The following TMEM132D variants were observed in gnomAD, a reference collection of about 807,000 sequenced individuals.
The protein encoded by TMEM132D is mature OL transmembrane protein.
TMEM132D carries 21 observed loss-of-function variants against 62.3 expected under a neutral mutation model. The ratio of observed to expected loss-of-function variants is 0.34; its 90% CI spans 0.24 to 0.49. The LOEUF is 0.49. TMEM132D is among the 20% of genes least tolerant of loss of function. The pLI is 0.99. For synonymous variants in TMEM132D, 621 were observed against 575.6 expected, an observed-to-expected ratio of 1.08 and a Z score of -1.13; for missense variants, 1,346 against 1,402.8, an observed-to-expected ratio of 0.96 and a Z score of 0.65.
chr12:129,738,348 A>C lies in TMEM132D; in HGVS notation c.80-37650T>G, dbSNP rs368049389. Among the ~76,000 whole-genome samples the C allele has an allele frequency of 2.6e-3, 393 of 152,294 alleles. 1 individual carries two copies. Among genetic ancestry groups the C allele is most frequent in the African/African-American group, 9.2e-3 (381 of 41,560 alleles). On this transcript the variant is annotated intron_variant, in intron 1 of 8. Coordinates refer to ENST00000422113, the MANE Select transcript of TMEM132D (RefSeq NM_133448.3). ...GGAGACAGAGAAGAAGGACGAAAGAAACGGAGAAGAAAAAGGGAGGAGAGA... is the reference window on the plus strand; with the variant it reads ...GGAGACAGAGAAGAAGGACGAAAGACACGGAGAAGAAAAAGGGAGGAGAGA...
chr12:129,082,127 G>A, intron 6 of TMEM132D, 95 bp from the exon 7 acceptor site: 1 of 1,456,400 alleles, frequency 6.9e-7, no homozygotes. Context: ...GAGGTAGGTA[G>A]GCCATGAGAC....
chr12:129,465,999 A>G (rs1232727726), intron 3 of TMEM132D, among the ~76,000 whole-genome samples: 1 of 152,206 alleles, frequency 6.6e-6, no homozygotes, highest in Non-Finnish European at 1.5e-5. Context: ...TCCTCATTTT[A>G]AAGTGGAGAC....
At chr12:129,860,762 T>A (rs958479958) in intron 1 of TMEM132D, among the ~76,000 whole-genome samples, 1 of 152,086 alleles carries the variant, frequency 6.6e-6, no homozygotes, top group East Asian at 1.9e-4. Flanking sequence ...CTTACAATCA[T>A]GAAAGAAGGG....
intron 4 of TMEM132D, among the ~76,000 whole-genome samples, chr12:129,329,756 G>A (rs1408487268): frequency 1.3e-5 from 2 of 152,232 alleles, no homozygotes; most frequent in East Asian, 3.9e-4. Context: ...TTCTGCTGGG[G>A]GATATCAGGA....
chr12:129,803,525 G>C (rs1871869551), intron 1 of TMEM132D, among the ~76,000 whole-genome samples: 1 of 151,562 alleles, frequency 6.6e-6, no homozygotes, highest in Non-Finnish European at 1.5e-5. Flanking sequence ...GAATCTCTGG[G>C]ACACATTCAA....
intron 5 of TMEM132D, among the ~76,000 whole-genome samples, chr12:129,194,914 CTG>C (rs1878505911): frequency 6.6e-6 from 1 of 152,206 alleles, no homozygotes; most frequent in Non-Finnish European, 1.5e-5. Context: ...TCCTCATCCA[CTG>C]TGACTTCTTA....
intron 2 of TMEM132D, among the ~76,000 whole-genome samples, chr12:129,631,944 C>T (rs113142339): frequency 2.0e-5 from 3 of 152,244 alleles, no homozygotes; most frequent in African/African-American, 7.2e-5. Context: ...ATTTAAGAGT[C>T]AGGTTACATA....
At chr12:129,892,792 A>T (rs111598328) in intron 1 of TMEM132D, among the ~76,000 whole-genome samples, 2,380 of 152,234 alleles carry the variant, frequency 0.016, 60 homozygotes, top group African/African-American at 0.054. Context: ...ATGCCTTTGT[A>T]GTCTTTGCTT....
intron 5 of TMEM132D, chr12:129,109,969 G>A (rs1169340831): frequency 2.6e-5 from 4 of 152,382 alleles, no homozygotes; most frequent in Admixed American, 2.6e-4. Context: ...GTCCGAGCAT[G>A]GCCAAGGTGC....
At chr12:129,422,280 G>A (rs1249856241) in intron 3 of TMEM132D, among the ~76,000 whole-genome samples, 1 of 151,862 alleles carries the variant, frequency 6.6e-6, no homozygotes, top group Non-Finnish European at 1.5e-5. Flanking sequence ...CAGAAAGAGG[G>A]GTATATTATT....
chr12:129,260,871 T>C (rs974855003), intron 4 of TMEM132D, among the ~76,000 whole-genome samples: 2 of 152,246 alleles, frequency 1.3e-5, no homozygotes, highest in African/African-American at 2.4e-5. Context: ...CTGAATAGTA[T>C]TCAATGGTGT....
At chr12:129,509,809 T>C (rs149421179) in intron 3 of TMEM132D, among the ~76,000 whole-genome samples, 18 of 152,326 alleles carry the variant, frequency 1.2e-4, no homozygotes, top group Non-Finnish European at 2.5e-4. Flanking sequence ...GAGCTCATTC[T>C]TTTATGGCTG....
In TMEM132D at chr12:129,468,102, C is replaced by T. The variant is rs79142843; in HGVS notation, c.1115+62957G>A. ...ACCCAGGCCAGCTCCTCCACTTCAGCCACTCTGCATCTGAGGCTGGCATTT... is the reference window on the plus strand; with the variant it reads ...ACCCAGGCCAGCTCCTCCACTTCAGTCACTCTGCATCTGAGGCTGGCATTT... On this transcript the variant is annotated intron_variant, in intron 3 of 8. Transcript: ENST00000422113. Among the ~76,000 whole-genome samples the T allele has an allele frequency of 6.7e-3, 1,016 of 152,262 alleles. 37 individuals carry two copies. In the East Asian group the frequency reaches 0.097, roughly 14 times the overall value.
chr12:129,311,824 T>A (rs1163069020), intron 4 of TMEM132D, among the ~76,000 whole-genome samples: 3 of 152,162 alleles, frequency 2.0e-5, no homozygotes, highest in Non-Finnish European at 4.4e-5. Flanking sequence ...ATGTGGCTTG[T>A]TCCAGGAATA....
At chr12:129,869,350 C>T (rs1593193191) in intron 1 of TMEM132D, among the ~76,000 whole-genome samples, 3 of 152,254 alleles carry the variant, frequency 2.0e-5, no homozygotes, top group Admixed American at 2.0e-4. Context: ...GGTGGTAGGA[C>T]CTCCATGGAT....
rs555106964 is a variant in TMEM132D, at chr12:129,588,394, A to G, written c.969-57189T>C. 1.2e-4 allele frequency among the ~76,000 whole-genome samples: 18 copies of G among 152,270 alleles called. 1 individual carries two copies. The highest frequency in any genetic ancestry group is 3.6e-4 in the African/African-American group (15 of 41,550). On this transcript the variant is annotated intron_variant, in intron 2 of 8. Coordinates refer to ENST00000422113, the MANE Select transcript of TMEM132D (RefSeq NM_133448.3). ...CCAGACCTGAATCACTCGTCAATACATATTCACAATTGTAAATGTTAAGTT... is the reference window on the plus strand; with the variant it reads ...CCAGACCTGAATCACTCGTCAATACGTATTCACAATTGTAAATGTTAAGTT...
At chr12:129,323,269 T>C (rs1201204028) in intron 4 of TMEM132D, among the ~76,000 whole-genome samples, 2 of 152,192 alleles carry the variant, frequency 1.3e-5, no homozygotes, top group African/African-American at 4.8e-5. Context: ...AAAGCGTAAA[T>C]AGCAACTTTT....
chr12:129,895,757 G>A (rs543919909), intron 1 of TMEM132D, among the ~76,000 whole-genome samples: 1 of 152,082 alleles, frequency 6.6e-6, no homozygotes, highest in Admixed American at 6.5e-5. Context: ...GTGGCACAGA[G>A]CAGCTGAAAA....
intron 2 of TMEM132D, among the ~76,000 whole-genome samples, chr12:129,631,955 C>T (rs1002051056): frequency 1.3e-5 from 2 of 152,142 alleles, no homozygotes; most frequent in Admixed American, 1.3e-4. Context: ...AGGTTACATA[C>T]ACACAAAACA....
Sources: allele counts gnomAD v4.1 joint callset (sites outside exome capture counted in the v4.1 genomes callset), GRCh38; gene constraint gnomAD v4.1.1; transcripts MANE v1.5; gene names NCBI Gene and HGNC (gene_info 2026-07-23, HGNC 2026-07-21).